LTBR: variants seen among roughly 807,000 people sequenced by gnomAD.
LTBR encodes tumor necrosis factor receptor superfamily member 3.
A neutral mutation model predicts 45.4 loss-of-function variants in LTBR; 15 were observed. The ratio of observed to expected loss-of-function variants is 0.33; its 90% CI spans 0.22 to 0.51. LTBR has a LOEUF of 0.51. LTBR is among the 20% of genes least tolerant of loss of function. LTBR has a pLI of 0.97. For missense variants in LTBR, 450 were observed against 565.5 expected (o/e 0.80, Z 2.07); for synonymous variants, 228 against 231.0 (o/e 0.99, Z 0.12).
At position 6,390,685 on chromosome 12, in the gene LTBR, C is replaced by T. The variant is rs746664810; in HGVS notation, c.1056C>T (p.Gly352=). 49 of 1,495,270 alleles carry T rather than the reference C, an allele frequency of 3.3e-5. No individual in the cohort carries two copies. Among genetic ancestry groups the T allele is most frequent in the Admixed American group, 3.1e-4 (13 of 42,604 alleles). The allele number at this position is 1,495,270 out of a possible 1,614,324, so 92.6% of individuals were successfully genotyped here. ...AHGTNGIHVT[G]GSMTITGNIY... is the part of the protein sequence containing the mutation. ...GTACCAATGGCATTCATGTCACCGG[C>T]GGGTCTATGACTATCACTGGCAACA... The change falls in exon 10 of 10, where the codon GGC becomes GGT. Residue 352 remains glycine, a synonymous_variant. Coordinates refer to ENST00000228918, the MANE Select transcript of LTBR (RefSeq NM_002342.3).
At chr12:6,383,928 C>T (rs3759335), upstream of LTBR, 111,664 of 795,148 alleles carry the variant, frequency 0.14, 8,318 homozygotes, top group Admixed American at 0.3. Context: ...TGACCCCGGG[C>T]CCGCCGCCCT....
chr12:6,381,849 C>T (rs1248076403), upstream of LTBR, among the ~76,000 whole-genome samples: 10 of 152,172 alleles, frequency 6.6e-5, no homozygotes, highest in East Asian at 1.5e-3. Context: ...GGCAGGCGCC[C>T]GTAATCCCAG....
chr12:6,388,025 T>G lies in LTBR; in HGVS notation c.668-373T>G, dbSNP rs1949068420. On this transcript the variant is annotated intron_variant, in intron 6 of 9. Coordinates refer to ENST00000228918, the MANE Select transcript of LTBR (RefSeq NM_002342.3). This position sits in a 1 kb window ranked among gnomAD's most constrained non-coding sequence, Gnocchi z 4.3. ...CTGTTTACAACTCCAAGTCCCACCC[T>G]TCCCTACTGTCTCCCAATCCCACTT... 8.4e-6 allele frequency: 3 copies of G among 356,978 alleles called. No homozygotes were observed. The highest frequency in any genetic ancestry group is 1.7e-5 in the Non-Finnish European group (3 of 180,306). The allele number at this position is 356,978 out of a possible 1,614,324, so 22.1% of individuals were successfully genotyped here. A position where few individuals can be genotyped will look rare whatever the true frequency, so the allele number is the denominator to read the frequency against.
In LTBR at chr12:6,390,350, G is replaced by A. The variant is rs371667034; in HGVS notation, c.1030+10G>A. Reference sequence around the variant, plus strand: ...AGCCAGGTGGCCCACGGTGAGCCTGGGGCAGGGAGAAGAGAGGAAGGATGG... The same window carrying A: ...AGCCAGGTGGCCCACGGTGAGCCTGAGGCAGGGAGAAGAGAGGAAGGATGG... On this transcript the variant is annotated intron_variant, in intron 9 of 9. Transcript: ENST00000228918. The A allele has an allele frequency of 9.6e-5, 152 of 1,580,540 alleles. No individual in the cohort carries two copies. The African/African-American group carries it at 1.9e-3, about 20-fold the overall frequency.
chr12:6,376,092 C>T, intron 1 of LTBR: 1 of 989,346 alleles, frequency 1.0e-6, no homozygotes, highest in Non-Finnish European at 1.2e-6. Context: ...GTGGGCAGCC[C>T]TCCAAGGGCA....
In LTBR at chr12:6,386,455, A is replaced by T; in HGVS notation, c.667+11A>T. ...CCCCAGAGATGTCAGGTGAGGGACC[A>T]GGGCTGAGGGACACGGGGGGGGCGC... On this transcript the variant is annotated intron_variant, in intron 6 of 9. Coordinates refer to ENST00000228918, the MANE Select transcript of LTBR (RefSeq NM_002342.3). The surrounding 1 kb of genome is among the most constrained non-coding windows in gnomAD (Gnocchi z 4.1). 4 of 1,497,926 alleles carry T rather than the reference A, an allele frequency of 2.7e-6. No individual in the cohort carries two copies. Among genetic ancestry groups the T allele is most frequent in the Non-Finnish European group, 3.6e-6 (4 of 1,104,010 alleles). 92.8% of individuals were successfully genotyped at this position (1,497,926 alleles called of 1,614,324 possible). A position where few individuals can be genotyped will look rare whatever the true frequency, so the allele number is the denominator to read the frequency against.
At chr12:6,385,584 C>A in intron 4 of LTBR, 1 of 659,052 alleles carries the variant, frequency 1.5e-6, no homozygotes, top group South Asian at 2.0e-5. Context: ...GGAGGTGGTT[C>A]TTCTCAGTAC....
upstream of LTBR, among the ~76,000 whole-genome samples, chr12:6,379,935 AAAAAAAAAAAAAC>A (rs750675606): frequency 9.0e-3 from 580 of 64,186 alleles, no homozygotes; most frequent in African/African-American, 0.026. Flanking sequence ...CTCTGTCTCA[AAAAAAAAAAAAAC>A]AAAAAAAAAA....
chr12:6,382,102 T>C (rs909154753), upstream of LTBR, among the ~76,000 whole-genome samples: 2 of 152,094 alleles, frequency 1.3e-5, no homozygotes, highest in African/African-American at 4.8e-5. Context: ...TTTCATTGTA[T>C]TATATGTTAC....
intron 1 of LTBR, among the ~76,000 whole-genome samples, chr12:6,376,557 G>A (rs1948913525): frequency 6.6e-6 from 1 of 152,242 alleles, no homozygotes; most frequent in South Asian, 2.1e-4. Flanking sequence ...GCCTAGACAG[G>A]CCCTGGGAGG....
upstream of LTBR, among the ~76,000 whole-genome samples, chr12:6,379,426 C>G (rs1184416291): frequency 6.6e-6 from 1 of 152,172 alleles, no homozygotes; most frequent in African/African-American, 2.4e-5. Context: ...CTATCCTTTC[C>G]AGGATAAGAA....
intron 6 of LTBR, chr12:6,387,674 C>T (rs527692152): frequency 3.0e-5 from 8 of 263,188 alleles, no homozygotes; most frequent in African/African-American, 6.9e-5. Context: ...GCGTAGCTGA[C>T]GGACACTGGA....
intron 1 of LTBR, chr12:6,376,125 AG>A: frequency 1.0e-6 from 1 of 987,418 alleles, no homozygotes; most frequent in South Asian, 4.6e-5. Flanking sequence ...CCTCACCCTC[AG>A]GCCCTGCAGA....
upstream of LTBR, among the ~76,000 whole-genome samples, chr12:6,379,933 C>CAA (rs60566609): frequency 1.5e-4 from 17 of 115,958 alleles, no homozygotes; most frequent in East Asian, 1.0e-3. Flanking sequence ...GACTCTGTCT[C>CAA]AAAAAAAAAA....
Position 6,385,238 on chromosome 12 carries a change from G to C in LTBR, c.331G>C (p.Glu111Gln). The change falls in exon 4 of 10, where the codon GAG (glutamate) becomes CAG (glutamine). Residue 111 changes from glutamate to glutamine, a missense_variant. Physicochemically the swap from Glu to Gln is conservative, Grantham distance 29 (BLOSUM62 2). Coordinates refer to ENST00000228918, the MANE Select transcript of LTBR (RefSeq NM_002342.3). The stretch of plus-strand genomic sequence containing the variant: ...CGTCTCCCCGCCAGTGATGGGCCTC[G>C]AGGAGATTGCCCCCTGCACAAGCAA... ...CRPCDPVMGL[E>Q]EIAPCTSKRK... 1.2e-6 allele frequency: 2 copies of C among 1,614,066 alleles called. No individual in the cohort carries two copies. The highest frequency in any genetic ancestry group is 1.7e-6 in the Non-Finnish European group (2 of 1,180,010).
rs549670094 is a variant in LTBR at position 6,386,745 on chromosome 12, C to T, written c.667+301C>T. ...TTGGGCTTACCAACATTACACAATC[C>T]GTTTTTTTTTTTCACACAATCCATT... On this transcript the variant is annotated intron_variant, in intron 6 of 9. Transcript: ENST00000228918. This position sits in a 1 kb window ranked among gnomAD's most constrained non-coding sequence, Gnocchi z 4.1. 4.2e-5 allele frequency: 12 copies of T among 288,816 alleles called. No individual in the cohort carries two copies. Among genetic ancestry groups the T allele is most frequent in the Non-Finnish European group, 7.1e-5 (11 of 155,806 alleles). 17.9% of individuals were successfully genotyped at this position (288,816 alleles called of 1,614,324 possible).
rs575539111 is a variant in LTBR, at chr12:6,385,114, A to G, written c.286A>G (p.Thr96Ala). The G allele has an allele frequency of 3.1e-6, 5 of 1,614,192 alleles. No individual in the cohort carries two copies. In the African/African-American group the frequency reaches 6.7e-5, roughly 22 times the overall value. The change falls in exon 3 of 10, where the codon ACC becomes GCC. Residue 96 changes from threonine (T) to alanine (A), a missense_variant. Coordinates refer to ENST00000228918, the MANE Select transcript of LTBR (RefSeq NM_002342.3). ...CTACAACGAGCACTGGAACTACCTG[A>G]CCATCTGCCAGCTGTGCCGCCCCTG... is the stretch of plus-strand genomic sequence containing the variant. ...NSYNEHWNYL[T>A]ICQLCRPCDP...
At position 6,388,922 on chromosome 12, in the gene LTBR, CTCAT is replaced by C; in HGVS notation, c.801+109_801+112del. The stretch of plus-strand genomic sequence containing the variant: ...AGAGAGTATGCAGGCTGACTCCACA[CTCAT>C]TCATTCATTCAACTGATGATTTACT... On this transcript the variant is annotated intron_variant, in intron 8 of 9. Coordinates refer to ENST00000228918, the MANE Select transcript of LTBR (RefSeq NM_002342.3). The surrounding 1 kb of genome is among the most constrained non-coding windows in gnomAD (Gnocchi z 4.3). The C allele has an allele frequency of 6.4e-6, 9 of 1,405,136 alleles. No individual in the cohort carries two copies. Among genetic ancestry groups the C allele is most frequent in the African/African-American group, 1.4e-5 (1 of 70,970 alleles). 87.0% of individuals were successfully genotyped at this position (1,405,136 alleles called of 1,614,324 possible).
At chr12:6,377,183 A>G in intron 1 of LTBR, 1 of 1,349,740 alleles carries the variant, frequency 7.4e-7, no homozygotes, top group Non-Finnish European at 1.0e-6. Context: ...CTCTTGCGGC[A>G]GTCTCTTGCG....
Sources: allele counts gnomAD v4.1 joint callset (sites outside exome capture counted in the v4.1 genomes callset), GRCh38; gene constraint gnomAD v4.1.1; non-coding constraint Gnocchi (gnomAD v3.1); transcripts MANE v1.5; gene names NCBI Gene and HGNC (gene_info 2026-07-23, HGNC 2026-07-21).